The following TAOK3 variants were observed in gnomAD, a reference collection of about 807,000 sequenced individuals.
TAOK3 encodes the protein TAO kinase 3, also known as serine/threonine-protein kinase TAO3.
A neutral mutation model predicts 120.4 loss-of-function variants in TAOK3; 40 were observed. That is an observed-to-expected ratio of 0.33 (90% CI 0.26 to 0.43). The LOEUF is 0.43. Among genes scored for constraint, TAOK3 ranks in the 20% least tolerant of loss-of-function variants. The pLI, the probability that TAOK3 is intolerant of heterozygous loss-of-function variation, is 1.00. For synonymous variants in TAOK3, 355 were observed against 387.5 expected (o/e 0.92, Z 0.99); for missense variants, 821 against 1,112.1 (o/e 0.74, Z 3.72).
chr12:118,288,810 G>A (rs2042357030), intron 1 of TAOK3, among the ~76,000 whole-genome samples: 1 of 151,388 alleles, frequency 6.6e-6, no homozygotes, highest in Non-Finnish European at 1.5e-5. Context: ...CAGCTACTTG[G>A]GAGGCTCATA....
chr12:118,188,347 T>C (rs765245298), intron 14 of TAOK3, among the ~76,000 whole-genome samples: 7 of 152,228 alleles, frequency 4.6e-5, no homozygotes, highest in Non-Finnish European at 8.8e-5. Flanking sequence ...CTTATGATGC[T>C]TTATCTAGAC....
intron 9 of TAOK3, among the ~76,000 whole-genome samples, chr12:118,215,652 G>A (rs1045403637): frequency 6.6e-6 from 1 of 152,092 alleles, no homozygotes; most frequent in East Asian, 1.9e-4. Flanking sequence ...AAAGGAGGAA[G>A]AGAACTATAA....
At chr12:118,316,433 C>A (rs1370167227) in intron 1 of TAOK3, among the ~76,000 whole-genome samples, 2 of 151,756 alleles carry the variant, frequency 1.3e-5, no homozygotes, top group African/African-American at 4.8e-5. Context: ...TTTTTTTTTA[C>A]TCTCTCTTAG....
Position 118,211,033 on chromosome 12 carries a change from G to A in TAOK3, c.819+1881C>T, listed in dbSNP as rs114833827. Among the ~76,000 whole-genome samples the A allele has an allele frequency of 3.6e-3, 541 of 152,172 alleles. 3 individuals are homozygous for A. Among genetic ancestry groups the A allele is most frequent in the African/African-American group, 0.012 (518 of 41,534 alleles). Reference sequence around the variant, plus strand: ...ATTACGGGCATGAGCCGCCACGCCCGGCCTACTTATTTATTTCTTACTCCT... The same window carrying A: ...ATTACGGGCATGAGCCGCCACGCCCAGCCTACTTATTTATTTCTTACTCCT... On this transcript the variant is annotated intron_variant, in intron 11 of 20. Coordinates refer to ENST00000392533, the MANE Select transcript of TAOK3 (RefSeq NM_016281.4).
chr12:118,170,361 G>A (rs770706293), intron 17 of TAOK3, among the ~76,000 whole-genome samples: 8 of 152,160 alleles, frequency 5.3e-5, no homozygotes, highest in Non-Finnish European at 1.2e-4. Context: ...CACTGGGGGC[G>A]TTATCACCCC....
chr12:118,276,310 T>C (rs1339058209), intron 1 of TAOK3, among the ~76,000 whole-genome samples: 1 of 152,202 alleles, frequency 6.6e-6, no homozygotes, highest in East Asian at 1.9e-4. Context: ...CCAAATGCGC[T>C]TTGCTGCTTT....
intron 19 of TAOK3, among the ~76,000 whole-genome samples, chr12:118,155,005 ATT>A (rs112895077): frequency 2.1e-5 from 3 of 141,392 alleles, no homozygotes; most frequent in Non-Finnish European, 1.6e-5. Flanking sequence ...ATATATATAT[ATT>A]TTTTTTTGAG....
intron 13 of TAOK3, among the ~76,000 whole-genome samples, chr12:118,198,181 T>C (rs1399407815): frequency 6.6e-6 from 1 of 152,076 alleles, no homozygotes; most frequent in Non-Finnish European, 1.5e-5. Flanking sequence ...GCCTTCCCCT[T>C]TTCCTTGAAC....
rs1181947122 is a variant in TAOK3, at chr12:118,223,497, G to C, written c.644-9387C>G. ...GAATAGCTGGGACTACAGGCGCCCG[G>C]CACCACGTCTGGCTAATTTTTTGTA... is the stretch of plus-strand genomic sequence containing the variant. On this transcript the variant is annotated intron_variant, in intron 9 of 20. Transcript: ENST00000392533. 3.3e-5 allele frequency among the ~76,000 whole-genome samples: 5 copies of C among 149,744 alleles called. No homozygotes were observed. The East Asian group carries it at 7.9e-4, about 24-fold the overall frequency.
intron 8 of TAOK3, among the ~76,000 whole-genome samples, chr12:118,234,509 G>T (rs2039939225): frequency 1.3e-5 from 2 of 152,142 alleles, no homozygotes; most frequent in African/African-American, 4.8e-5. Context: ...CTTCCAAAGT[G>T]CTGGGATTAC....
intron 1 of TAOK3, among the ~76,000 whole-genome samples, chr12:118,310,205 G>A (rs1476352728): frequency 6.6e-6 from 1 of 152,184 alleles, no homozygotes; most frequent in African/African-American, 2.4e-5. Context: ...GATTCCTTGA[G>A]TCAGGGAGAT....
intron 1 of TAOK3, among the ~76,000 whole-genome samples, chr12:118,306,818 A>T (rs41351145): frequency 1.1e-4 from 16 of 152,344 alleles, no homozygotes; most frequent in African/African-American, 3.8e-4. Context: ...GTTCTGCTTC[A>T]TCAGTACATT....
intron 3 of TAOK3, chr12:118,246,057 A>C (rs2040478916): frequency 6.7e-6 from 6 of 891,062 alleles, no homozygotes; most frequent in African/African-American, 1.7e-5. Context: ...TTATAAAAGA[A>C]TTGCTTCTTT....
intron 1 of TAOK3, among the ~76,000 whole-genome samples, chr12:118,319,345 A>T (rs1470144672): frequency 6.6e-6 from 1 of 152,238 alleles, no homozygotes; most frequent in Non-Finnish European, 1.5e-5. Flanking sequence ...ACTTATGTGT[A>T]TCAAAGGACG....
In TAOK3 at chr12:118,199,004, CTA is replaced by C. The variant is rs764229145; in HGVS notation, c.1194+45_1194+46del. On this transcript the variant is annotated intron_variant, in intron 13 of 20. Coordinates refer to ENST00000392533, the MANE Select transcript of TAOK3 (RefSeq NM_016281.4). ...AGCTAAGTGACTTGAACTGGATTCGCTATGATTGACAAAGCTCACCTCTGTGG... is the reference window on the plus strand; with the variant it reads ...AGCTAAGTGACTTGAACTGGATTCGCTGATTGACAAAGCTCACCTCTGTGG... 41 of 1,605,450 alleles carry C rather than the reference CTA, an allele frequency of 2.6e-5. No homozygotes were observed. In the Middle Eastern group the frequency reaches 5.0e-4, roughly 19 times the overall value.
At chr12:118,227,456 A>G (rs1247933135) in intron 9 of TAOK3, among the ~76,000 whole-genome samples, 2 of 151,856 alleles carry the variant, frequency 1.3e-5, no homozygotes, top group Non-Finnish European at 2.9e-5. Flanking sequence ...CTCTAAAAGT[A>G]GCATAATTTT....
chr12:118,171,949 T>C (rs2036021209), intron 17 of TAOK3, among the ~76,000 whole-genome samples: 1 of 152,234 alleles, frequency 6.6e-6, no homozygotes, highest in Non-Finnish European at 1.5e-5. Flanking sequence ...TTGTAATTAG[T>C]CTGTTACATG....
At chr12:118,169,363 T>C (rs1388856015) in intron 17 of TAOK3, among the ~76,000 whole-genome samples, 1 of 112,576 alleles carries the variant, frequency 8.9e-6, no homozygotes, top group Non-Finnish European at 1.7e-5. Flanking sequence ...GTCATCCAGG[T>C]TGGAACGCAA....
intron 17 of TAOK3, among the ~76,000 whole-genome samples, chr12:118,164,951 C>T (rs1427648690): frequency 6.6e-6 from 1 of 152,088 alleles, no homozygotes; most frequent in African/African-American, 2.4e-5. Context: ...ATTCATTCAA[C>T]AAGTAGTTAT....
Sources: allele counts gnomAD v4.1 joint callset (sites outside exome capture counted in the v4.1 genomes callset), GRCh38; gene constraint gnomAD v4.1.1; transcripts MANE v1.5; gene names NCBI Gene and HGNC (gene_info 2026-07-23, HGNC 2026-07-21).